CPA6: variants seen among roughly 807,000 people sequenced by gnomAD.
CPA6 encodes carboxypeptidase B.
In CPA6, 58 loss-of-function variants were observed where a neutral mutation model predicts 63.3. The ratio of observed to expected loss-of-function variants is 0.92; its 90% confidence interval spans 0.74 to 1.14. The LOEUF (loss-of-function observed/expected upper bound fraction) is 1.14, where lower values mean the gene tolerates loss of function less well. Among genes scored for constraint, CPA6 ranks in the 50% most tolerant of loss-of-function variants. CPA6 has a pLI of 0.00. For synonymous variants in CPA6, 185 were observed against 179.0 expected (o/e 1.03, Z -0.27); for missense variants, 565 against 526.6 (o/e 1.07, Z -0.71).
chr8:67,478,573 C>T (rs1811292394), intron 8 of CPA6, among the ~76,000 whole-genome samples: 3 of 152,194 alleles, frequency 2.0e-5, no homozygotes, highest in Admixed American at 6.5e-5. Flanking sequence ...AATTATAAGA[C>T]ACCCAGCTGG....
intron 2 of CPA6, among the ~76,000 whole-genome samples, chr8:67,602,108 T>C (rs1036759143): frequency 6.6e-6 from 1 of 152,182 alleles, no homozygotes; most frequent in African/African-American, 2.4e-5. Flanking sequence ...TAAAACTGTG[T>C]GTATAGTTTG....
Position 67,621,325 on chromosome 8 carries a change from C to T in CPA6, c.192+2851G>A, listed in dbSNP as rs1039438935. Among the ~76,000 whole-genome samples the T allele has an allele frequency of 3.3e-5, 5 of 152,136 alleles. No individual in the cohort carries two copies. The East Asian group carries it at 9.6e-4, about 29-fold the overall frequency. ...CTGAGTTTGGTGAGTCCTTATGCAA[C>T]CCATTGAATGGGGGCATGGTCTTGG... On this transcript the variant is annotated intron_variant, in intron 2 of 10. Transcript: ENST00000297770.
intron 1 of CPA6, among the ~76,000 whole-genome samples, chr8:67,650,912 C>G (rs1815822799): frequency 6.6e-6 from 1 of 152,030 alleles, no homozygotes; most frequent in African/African-American, 2.4e-5. Flanking sequence ...CTCCTACAAG[C>G]CAAAGCCTTC....
intron 1 of CPA6, among the ~76,000 whole-genome samples, chr8:67,732,197 G>A (rs919755294): frequency 2.6e-5 from 4 of 152,220 alleles, no homozygotes; most frequent in Non-Finnish European, 4.4e-5. Context: ...ATCAGCAGGA[G>A]AGTGGGAATA....
chr8:67,456,470 C>T (rs141927319), intron 8 of CPA6, among the ~76,000 whole-genome samples: 1 of 152,178 alleles, frequency 6.6e-6, no homozygotes, highest in Non-Finnish European at 1.5e-5. Context: ...GCAGTCAAAC[C>T]TTTTCTGAAT....
chr8:67,547,626 C>G (rs905754859), intron 2 of CPA6, among the ~76,000 whole-genome samples: 61 of 151,802 alleles, frequency 4.0e-4, no homozygotes, highest in African/African-American at 1.5e-3. Flanking sequence ...TCTGGAGTAG[C>G]TGGGCCCACA....
At chr8:67,436,384 G>GT (rs1810155012) in intron 8 of CPA6, among the ~76,000 whole-genome samples, 1 of 121,824 alleles carries the variant, frequency 8.2e-6, no homozygotes, top group African/African-American at 5.4e-5. Context: ...TTGTTGTTGG[G>GT]TATTTTTTTT....
At chr8:67,630,602 G>A (rs1055722836) in intron 1 of CPA6, among the ~76,000 whole-genome samples, 1 of 152,208 alleles carries the variant, frequency 6.6e-6, no homozygotes, top group East Asian at 1.9e-4. Flanking sequence ...GTGCCTCCTC[G>A]GCCTCAATGC....
chr8:67,442,255 C>T (rs1348927430), intron 8 of CPA6, among the ~76,000 whole-genome samples: 2 of 151,576 alleles, frequency 1.3e-5, no homozygotes, highest in Non-Finnish European at 2.9e-5. Context: ...AGCCACAGAC[C>T]CTGAGTTGAG....
rs531404748 is a variant in CPA6, at chr8:67,665,129, G to A, written c.117-40878C>T. 1.1e-3 allele frequency among the ~76,000 whole-genome samples: 166 copies of A among 152,240 alleles called. 6 individuals are homozygous for A. The South Asian group carries it at 0.03, about 28-fold the overall frequency. The stretch of plus-strand genomic sequence containing the variant: ...AAGGCCAGGTAGACTATCAATGCCT[G>A]TTTTGTAGCTTTGCTCTACAAGATT... On this transcript the variant is annotated intron_variant, in intron 1 of 10. Transcript: ENST00000297770.
chr8:67,681,220 T>TTTTTTTTTTTTTGGG (rs60654107), intron 1 of CPA6, among the ~76,000 whole-genome samples: 1 of 129,794 alleles, frequency 7.7e-6, no homozygotes, highest in African/African-American at 3.3e-5. Context: ...TTTTTTTTTT[T>TTTTTTTTTTTTTGGG]GAGACGGAGT....
intron 8 of CPA6, among the ~76,000 whole-genome samples, chr8:67,454,575 T>C (rs1444283383): frequency 6.6e-6 from 1 of 152,144 alleles, no homozygotes; most frequent in African/African-American, 2.4e-5. Flanking sequence ...GTTTTAGGAG[T>C]ATAAGAATGT....
At chr8:67,584,509 A>AT (rs1024059783) in intron 2 of CPA6, among the ~76,000 whole-genome samples, 1 of 152,006 alleles carries the variant, frequency 6.6e-6, no homozygotes, top group Non-Finnish European at 1.5e-5. Flanking sequence ...GAATGTTATG[A>AT]TTTTTTTTGA....
intron 2 of CPA6, among the ~76,000 whole-genome samples, chr8:67,564,188 T>C (rs1475400287): frequency 2.0e-5 from 3 of 152,268 alleles, no homozygotes; most frequent in Admixed American, 6.5e-5. Context: ...ACAAAATCCA[T>C]GAATAGGAAA....
At position 67,517,911 on chromosome 8, in the gene CPA6, AG is replaced by A; in HGVS notation, c.317+11del. On this transcript the variant is annotated intron_variant, in intron 3 of 10. Coordinates refer to ENST00000297770, the MANE Select transcript of CPA6 (RefSeq NM_020361.5). Reference sequence around the variant, plus strand: ...CCAATAAATTTTATAGCAAGTGAAAAGGAATGCTTACTTGTACTGGATGTTG... The same window carrying A: ...CCAATAAATTTTATAGCAAGTGAAAAGAATGCTTACTTGTACTGGATGTTG... 1 of 1,592,852 alleles carries A rather than the reference AG, an allele frequency of 6.3e-7. No homozygotes were observed. Among genetic ancestry groups the A allele is most frequent in the Non-Finnish European group, 8.5e-7 (1 of 1,172,524 alleles).
intron 2 of CPA6, among the ~76,000 whole-genome samples, chr8:67,559,852 A>AATATATATATATATATATATAT (rs71554612): frequency 6.8e-6 from 1 of 148,054 alleles, no homozygotes; most frequent in African/African-American, 2.5e-5. Flanking sequence ...AGTTGGACAA[A>AATATATATATATATATATATAT]ATATATATAT....
intron 8 of CPA6, among the ~76,000 whole-genome samples, chr8:67,455,497 A>G (rs950198507): frequency 1.3e-5 from 2 of 151,940 alleles, no homozygotes; most frequent in African/African-American, 4.8e-5. Flanking sequence ...TGAAATTAGT[A>G]TGGGTGTGCT....
At chr8:67,559,540 T>C (rs1314786629) in intron 2 of CPA6, among the ~76,000 whole-genome samples, 1 of 152,132 alleles carries the variant, frequency 6.6e-6, no homozygotes, top group African/African-American at 2.4e-5. Context: ...AATCTTCAGA[T>C]TTTTACCCAT....
At chr8:67,462,678 C>T (rs1005904659) in intron 8 of CPA6, among the ~76,000 whole-genome samples, 3 of 152,134 alleles carry the variant, frequency 2.0e-5, no homozygotes, top group Non-Finnish European at 4.4e-5. Flanking sequence ...TCTTTTAACA[C>T]GTAGAGCTGT....
Sources: allele counts gnomAD v4.1 joint callset (sites outside exome capture counted in the v4.1 genomes callset), GRCh38; gene constraint gnomAD v4.1.1; transcripts MANE v1.5; gene names NCBI Gene and HGNC (gene_info 2026-07-23, HGNC 2026-07-21).